MARCHF1: variants seen among roughly 807,000 people sequenced by gnomAD.
MARCHF1 encodes the protein membrane associated ring-CH-type finger 1.
MARCHF1 carries 40 observed loss-of-function variants against 54.2 expected under a neutral mutation model. The ratio of observed to expected loss-of-function variants is 0.74; its 90% CI spans 0.57 to 0.96. The LOEUF (loss-of-function observed/expected upper bound fraction) is 0.96, where lower values mean the gene tolerates loss of function less well. Among genes scored for constraint, MARCHF1 ranks in the 40% least tolerant of loss-of-function variants. MARCHF1 has a pLI of 0.00. For synonymous variants in MARCHF1, 236 were observed against 236.3 expected (o/e 1.00, Z 0.01); for missense variants, 586 against 656.5 (o/e 0.89, Z 1.17).
intron 5 of MARCHF1, among the ~76,000 whole-genome samples, chr4:163,631,445 G>A (rs567887618): frequency 3.3e-4 from 50 of 152,180 alleles, no homozygotes; most frequent in Non-Finnish European, 5.1e-4. Flanking sequence ...TTTCACCCTC[G>A]GCCTCCCAAA....
At chr4:163,896,345 G>C (rs983508406) in intron 3 of MARCHF1, among the ~76,000 whole-genome samples, 3 of 152,048 alleles carry the variant, frequency 2.0e-5, no homozygotes, top group Non-Finnish European at 2.9e-5. Flanking sequence ...TTTGATTCCA[G>C]CTCTATCAGG....
intron 2 of MARCHF1, among the ~76,000 whole-genome samples, chr4:164,075,366 T>C (rs1048675053): frequency 1.1e-4 from 16 of 152,352 alleles, no homozygotes; most frequent in Middle Eastern, 3.4e-3. Flanking sequence ...AAACATGTTG[T>C]AAACAATATC....
rs1740211090 is a variant in MARCHF1 at position 163,580,889 on chromosome 4, G to A, written c.1191+4860C>T. ...GCAATCTCGGCTCACTGCAAGCTCC[G>A]CTTCCCGGGTTCACGCCATTCTCCT... is the stretch of plus-strand genomic sequence containing the variant. On this transcript the variant is annotated intron_variant, in intron 8 of 9. Transcript: ENST00000514618. Among the ~76,000 whole-genome samples the A allele has an allele frequency of 2.8e-5, 3 of 107,382 alleles. 1 individual carries two copies. Among genetic ancestry groups the A allele is most frequent in the African/African-American group, 1.1e-4 (3 of 26,264 alleles). 70.4% of individuals were successfully genotyped at this position (107,382 alleles called of 152,430 possible). A position where few individuals can be genotyped will look rare whatever the true frequency, so the allele number is the denominator to read the frequency against.
chr4:163,937,256 A>G (rs186938709), intron 3 of MARCHF1, among the ~76,000 whole-genome samples: 1 of 152,170 alleles, frequency 6.6e-6, no homozygotes, highest in Non-Finnish European at 1.5e-5. Context: ...ACATACATAT[A>G]CATACAAACA....
intron 1 of MARCHF1, among the ~76,000 whole-genome samples, chr4:164,344,331 T>A: frequency 6.6e-6 from 1 of 152,132 alleles, no homozygotes; most frequent in East Asian, 1.9e-4. Flanking sequence ...TTGACACAGG[T>A]TTACTTATGT....
At chr4:163,888,600 A>T (rs1750589432) in intron 3 of MARCHF1, among the ~76,000 whole-genome samples, 1 of 152,142 alleles carries the variant, frequency 6.6e-6, no homozygotes, top group Non-Finnish European at 1.5e-5. Context: ...GTTATTTCTC[A>T]CTGTTAACTG....
At chr4:164,285,495 T>C (rs987815050) in intron 1 of MARCHF1, among the ~76,000 whole-genome samples, 1 of 152,086 alleles carries the variant, frequency 6.6e-6, no homozygotes, top group African/African-American at 2.4e-5. Context: ...CAGGCTGGAG[T>C]GCAGTGGCGC....
At chr4:163,679,521 T>C (rs1744027810) in intron 5 of MARCHF1, among the ~76,000 whole-genome samples, 1 of 152,176 alleles carries the variant, frequency 6.6e-6, no homozygotes, top group South Asian at 2.1e-4. Context: ...AGTGACCTTT[T>C]AAAGCAGGGG....
intron 4 of MARCHF1, among the ~76,000 whole-genome samples, chr4:163,752,304 T>C (rs1178156160): frequency 6.6e-6 from 1 of 152,222 alleles, no homozygotes; most frequent in Non-Finnish European, 1.5e-5. Flanking sequence ...AACTTACAAT[T>C]GTGAAACCTG....
intron 1 of MARCHF1, among the ~76,000 whole-genome samples, chr4:164,124,473 C>T (rs1756137932): frequency 6.6e-6 from 1 of 152,170 alleles, no homozygotes; most frequent in East Asian, 1.9e-4. Flanking sequence ...GAGATATCTG[C>T]ACTCATGTTT....
At chr4:164,179,314 A>C (rs1400359712) in intron 1 of MARCHF1, among the ~76,000 whole-genome samples, 2 of 152,216 alleles carry the variant, frequency 1.3e-5, no homozygotes, top group African/African-American at 4.8e-5. Flanking sequence ...TTATTAAAAA[A>C]TAATAGACAC....
chr4:164,201,065 G>A (rs552595225), intron 1 of MARCHF1, among the ~76,000 whole-genome samples: 1 of 152,324 alleles, frequency 6.6e-6, no homozygotes, highest in South Asian at 2.1e-4. Context: ...CATGGCGGAA[G>A]AAACAAGGTT....
chr4:163,686,673 A>G (rs970404713), intron 5 of MARCHF1, among the ~76,000 whole-genome samples: 22 of 152,084 alleles, frequency 1.4e-4, no homozygotes, highest in African/African-American at 5.3e-4. Context: ...TTCAATAAAC[A>G]TTAAACATTA....
chr4:163,678,340 C>T (rs1204961129), intron 5 of MARCHF1, among the ~76,000 whole-genome samples: 1 of 152,178 alleles, frequency 6.6e-6, no homozygotes, highest in Non-Finnish European at 1.5e-5. Context: ...ATCTGTTCTG[C>T]CTCTTGCATA....
chr4:163,788,705 G>A (rs1438501896), intron 4 of MARCHF1, among the ~76,000 whole-genome samples: 2 of 151,966 alleles, frequency 1.3e-5, no homozygotes, highest in Admixed American at 6.6e-5. Context: ...ATCAATAAGC[G>A]TATTACTGGT....
At chr4:164,011,382 T>C (rs1753416743) in intron 2 of MARCHF1, among the ~76,000 whole-genome samples, 1 of 18,954 alleles carries the variant, frequency 5.3e-5, no homozygotes, top group African/African-American at 1.1e-4. Context: ...GACAAGTTGT[T>C]AATAACCATA....
chr4:164,054,884 T>C (rs1333146489), intron 2 of MARCHF1, among the ~76,000 whole-genome samples: 1 of 151,582 alleles, frequency 6.6e-6, no homozygotes, highest in African/African-American at 2.4e-5. Context: ...CATATGTAAC[T>C]AACATGCACA....
chr4:164,173,388 A>T (rs920324560), intron 1 of MARCHF1, among the ~76,000 whole-genome samples: 2 of 152,218 alleles, frequency 1.3e-5, no homozygotes, highest in African/African-American at 4.8e-5. Context: ...GAGGTTGACT[A>T]CTTGTACTGA....
At chr4:163,598,323 G>T (rs935439354) in intron 7 of MARCHF1, among the ~76,000 whole-genome samples, 8 of 152,132 alleles carry the variant, frequency 5.3e-5, no homozygotes, top group African/African-American at 1.9e-4. Flanking sequence ...GTCCTTTCAG[G>T]ATCTTTTGAC....
Sources: allele counts gnomAD v4.1 joint callset (sites outside exome capture counted in the v4.1 genomes callset), GRCh38; gene constraint gnomAD v4.1.1; transcripts MANE v1.5; gene names NCBI Gene and HGNC (gene_info 2026-07-23, HGNC 2026-07-21).